The following ATP13A5 variants were observed in gnomAD, a reference collection of about 807,000 sequenced individuals.
ATP13A5 encodes the protein ATPase 13A5.
In ATP13A5, 149 loss-of-function variants were observed where a neutral mutation model predicts 150.2. That is an observed-to-expected ratio of 0.99 (90% CI 0.87 to 1.14). The LOEUF (loss-of-function observed/expected upper bound fraction) is 1.14. ATP13A5 is among the 50% of genes most tolerant of loss of function. The probability of loss-of-function intolerance (pLI) is 0.00; values close to 1 mark genes in which losing one functional copy is unlikely to be tolerated. For synonymous variants in ATP13A5, 497 were observed against 522.2 expected (o/e 0.95, Z 0.66); for missense variants, 1,383 against 1,449.3 (o/e 0.95, Z 0.74).
At chr3:193,317,559 C>CA (rs1719097192) in intron 17 of ATP13A5, among the ~76,000 whole-genome samples, 1 of 152,054 alleles carries the variant, frequency 6.6e-6, no homozygotes, top group Admixed American at 6.6e-5. Context: ...TACGTCATCT[C>CA]AAAAAACTTT....
chr3:193,279,333 G>C (rs762542524), intron 28 of ATP13A5, 33 bp downstream of exon 28: 3 of 1,502,902 alleles, frequency 2.0e-6, no homozygotes, highest in Non-Finnish European at 2.8e-6. Context: ...ATGTACATGA[G>C]TCATGCCAGA....
At chr3:193,339,899 G>A (rs1560140730) in intron 9 of ATP13A5, among the ~76,000 whole-genome samples, 1 of 152,150 alleles carries the variant, frequency 6.6e-6, no homozygotes, top group Non-Finnish European at 1.5e-5. Flanking sequence ...AGGCAGTCAT[G>A]TATTGATCAA....
At chr3:193,287,749 T>C (rs1451779118) in intron 26 of ATP13A5, among the ~76,000 whole-genome samples, 1 of 152,160 alleles carries the variant, frequency 6.6e-6, no homozygotes, top group Non-Finnish European at 1.5e-5. Flanking sequence ...ATTTCAAATT[T>C]CAAGTCTTAT....
At chr3:193,295,614 A>G (rs1718137031) in intron 25 of ATP13A5, among the ~76,000 whole-genome samples, 2 of 152,114 alleles carry the variant, frequency 1.3e-5, no homozygotes, top group African/African-American at 4.8e-5. Flanking sequence ...GAACACTTGT[A>G]TAAGGGAATG....
chr3:193,285,104 C>CA lies in ATP13A5; in HGVS notation c.3035dup (p.Ala1013GlyfsTer5), dbSNP rs772831818. On this transcript the variant is annotated frameshift_variant, in exon 27 of 30. Transcript: ENST00000342358. LOFTEE classifies it high-confidence loss of function. ...TTGTTGAAAAATTACTTTGGTTGGC[C>CA]AGAAAACACTCACTACAAAAGAATC... The CA allele has an allele frequency of 3.7e-6, 6 of 1,613,410 alleles. No homozygotes were observed. In the East Asian group the frequency reaches 1.3e-4, roughly 36 times the overall value.
intron 6 of ATP13A5, among the ~76,000 whole-genome samples, chr3:193,352,588 T>C (rs943014434): frequency 2.0e-4 from 30 of 152,192 alleles, no homozygotes; most frequent in Admixed American, 1.3e-3. Context: ...TGGAGAATAT[T>C]TGGCAATTTG....
chr3:193,372,925 A>G (rs1001613739), intron 1 of ATP13A5, among the ~76,000 whole-genome samples: 2 of 152,164 alleles, frequency 1.3e-5, no homozygotes, highest in African/African-American at 4.8e-5. Flanking sequence ...TGATAAGCTT[A>G]CCTTTACCTC....
At chr3:193,337,064 GC>G in intron 9 of ATP13A5, among the ~76,000 whole-genome samples, 1 of 152,176 alleles carries the variant, frequency 6.6e-6, no homozygotes, top group South Asian at 2.1e-4. Flanking sequence ...CATATCCTTC[GC>G]CCACTTTTTG....
At chr3:193,372,466 C>T (rs2171848) in intron 1 of ATP13A5, among the ~76,000 whole-genome samples, 146,151 of 152,096 alleles carry the variant, frequency 0.96, 70,251 homozygotes, top group African/African-American at 0.98. Flanking sequence ...TTCTTACTTA[C>T]GATATGCAGA....
intron 14 of ATP13A5, among the ~76,000 whole-genome samples, chr3:193,322,957 A>G (rs936001813): frequency 7.9e-5 from 12 of 152,318 alleles, no homozygotes; most frequent in Non-Finnish European, 1.5e-4. Flanking sequence ...TGAGATAAAC[A>G]TGGCACTAGT....
At chr3:193,320,225 A>G (rs893685782) in intron 16 of ATP13A5, among the ~76,000 whole-genome samples, 14 of 152,150 alleles carry the variant, frequency 9.2e-5, no homozygotes, top group Admixed American at 9.2e-4. Context: ...TTAGTTTCTC[A>G]TCCATAAAAT....
intron 12 of ATP13A5, among the ~76,000 whole-genome samples, chr3:193,328,396 T>C (rs570640018): frequency 1.9e-4 from 29 of 152,256 alleles, no homozygotes; most frequent in Non-Finnish European, 4.0e-4. Flanking sequence ...CTGCATTTTA[T>C]AAAGGACTCC....
chr3:193,362,233 C>T, intron 5 of ATP13A5, 148 bp downstream of exon 5: 1 of 680,530 alleles, frequency 1.5e-6, no homozygotes, highest in Non-Finnish European at 2.5e-6. Flanking sequence ...AAGAAAAGAA[C>T]AATTTAGGAT....
At chr3:193,345,887 A>G (rs1402624047) in intron 7 of ATP13A5, among the ~76,000 whole-genome samples, 1 of 152,076 alleles carries the variant, frequency 6.6e-6, no homozygotes, top group Non-Finnish European at 1.5e-5. Flanking sequence ...CTTGTCTGTA[A>G]AACAACAAAG....
At chr3:193,373,445 A>T (rs1235746887) in intron 1 of ATP13A5, among the ~76,000 whole-genome samples, 1 of 42,790 alleles carries the variant, frequency 2.3e-5, no homozygotes, top group South Asian at 8.1e-4. Flanking sequence ...CGCCCAGGCA[A>T]TTCTTGATTT....
At chr3:193,320,177 A>G (rs570463250) in intron 16 of ATP13A5, among the ~76,000 whole-genome samples, 3 of 152,320 alleles carry the variant, frequency 2.0e-5, no homozygotes, top group Non-Finnish European at 4.4e-5. Flanking sequence ...TTCCACTTCC[A>G]TGTGGACCTT....
rs750780435 is a variant in ATP13A5, at chr3:193,343,960, C to T, written c.910G>A (p.Gly304Arg). ...ATGCCTTCATTCACCACGCAGCTTC[C>T]ATCAATCAAAACAGCATCACATGGC... Reference protein sequence around the residue: ...SLPCDAVLIDGSCVVNEGMLT... With the variant: ...SLPCDAVLIDRSCVVNEGMLT... Residue 304 changes from glycine (G) to arginine (R), a missense_variant, in exon 9 of 30, where the codon GGA becomes AGA. Physicochemically the swap from Gly to Arg is moderately radical, Grantham distance 125 (BLOSUM62 -2). Transcript: ENST00000342358. The T allele has an allele frequency of 6.2e-7, 1 of 1,613,364 alleles. No individual in the cohort carries two copies. The highest frequency in any genetic ancestry group is 8.5e-7 in the Non-Finnish European group (1 of 1,179,560).
intron 27 of ATP13A5, among the ~76,000 whole-genome samples, chr3:193,282,127 G>T (rs1717524139): frequency 6.6e-6 from 1 of 151,960 alleles, no homozygotes; most frequent in Admixed American, 6.6e-5. Context: ...CCCGGGAGGT[G>T]AAGGTTGCAG....
At chr3:193,339,807 G>A (rs1459523803) in intron 9 of ATP13A5, among the ~76,000 whole-genome samples, 1 of 151,032 alleles carries the variant, frequency 6.6e-6, no homozygotes, top group Non-Finnish European at 1.5e-5. Flanking sequence ...TTTTGCTTTT[G>A]AATCACAGAA....
Sources: allele counts gnomAD v4.1 joint callset (sites outside exome capture counted in the v4.1 genomes callset), GRCh38; gene constraint gnomAD v4.1.1; transcripts MANE v1.5; gene names NCBI Gene and HGNC (gene_info 2026-07-23, HGNC 2026-07-21).